SLC35F4: variants seen among roughly 807,000 people sequenced by gnomAD.
SLC35F4 encodes the protein chromosome 14 open reading frame 36.
Under a neutral mutation model 44.2 loss-of-function variants are expected in SLC35F4, and 24 were observed. The observed-to-expected ratio is 0.54, with a 90% CI of 0.39 to 0.76. The LOEUF is 0.76. Ranked by LOEUF, SLC35F4 falls within the 30% of genes least tolerant of loss-of-function variation. SLC35F4 has a pLI of 0.00. For missense variants in SLC35F4, 562 were observed against 586.1 expected (o/e 0.96, Z 0.42); for synonymous variants, 238 against 223.6 (o/e 1.06, Z -0.57).
At chr14:57,770,286 T>G (rs2140675643) in intron 1 of SLC35F4, among the ~76,000 whole-genome samples, 1 of 152,344 alleles carries the variant, frequency 6.6e-6, no homozygotes, top group Middle Eastern at 3.4e-3. Flanking sequence ...TGAGGGTTAC[T>G]AAATGACAGG....
intron 4 of SLC35F4, among the ~76,000 whole-genome samples, chr14:57,580,830 T>A (rs1040660230): frequency 1.3e-5 from 2 of 152,000 alleles, no homozygotes; most frequent in African/African-American, 2.4e-5. Flanking sequence ...GAATGGGGGG[T>A]CATCTCAACA....
chr14:57,978,488 G>A (rs1320273370), intron 1 of SLC35F4, among the ~76,000 whole-genome samples: 1 of 152,258 alleles, frequency 6.6e-6, no homozygotes, highest in East Asian at 1.9e-4. Context: ...AAGAAGTTGG[G>A]CTAATGTAGA....
intron 1 of SLC35F4, among the ~76,000 whole-genome samples, chr14:57,931,375 G>T (rs925971393): frequency 8.5e-5 from 13 of 152,110 alleles, no homozygotes; most frequent in African/African-American, 3.1e-4. Flanking sequence ...TATTTATAGA[G>T]TTAAAAGACA....
At chr14:57,687,852 G>C (rs748836047) in intron 1 of SLC35F4, among the ~76,000 whole-genome samples, 44 of 152,096 alleles carry the variant, frequency 2.9e-4, no homozygotes, top group Non-Finnish European at 5.7e-4. Flanking sequence ...ATATAAACAA[G>C]AGAACTCTAA....
rs554477518 is a variant in SLC35F4, at chr14:57,649,647, C to T, written c.104-55523G>A. 8.5e-5 allele frequency among the ~76,000 whole-genome samples: 13 copies of T among 152,270 alleles called. No individual in the cohort carries two copies. The South Asian group carries it at 2.7e-3, about 32-fold the overall frequency. On this transcript the variant is annotated intron_variant, in intron 1 of 7. Transcript: ENST00000556826. Reference sequence around the variant, plus strand: ...CTCTGAGGGGTCATTATTCTGCCAACCACAGCATGTCACAGACTATGGAAA... The same window carrying T: ...CTCTGAGGGGTCATTATTCTGCCAATCACAGCATGTCACAGACTATGGAAA...
chr14:57,874,082 A>G (rs1956698), intron 1 of SLC35F4, among the ~76,000 whole-genome samples: 23,317 of 152,164 alleles, frequency 0.15, 1,902 homozygotes, highest in East Asian at 0.23. Flanking sequence ...ACTTGCTTCT[A>G]TGCAGTGGAG....
chr14:57,937,909 G>C (rs1349448600), intron 1 of SLC35F4, among the ~76,000 whole-genome samples: 1 of 152,118 alleles, frequency 6.6e-6, no homozygotes, highest in African/African-American at 2.4e-5. Context: ...ATAAGTTATT[G>C]TTTCCCCAAC....
intron 1 of SLC35F4, among the ~76,000 whole-genome samples, chr14:57,687,668 G>C (rs1190319677): frequency 6.6e-6 from 1 of 152,080 alleles, no homozygotes; most frequent in Admixed American, 6.6e-5. Flanking sequence ...CAAAAGGAGA[G>C]ACCCTCCTGC....
chr14:57,621,721 G>A (rs2072190869), intron 1 of SLC35F4, among the ~76,000 whole-genome samples: 1 of 151,898 alleles, frequency 6.6e-6, no homozygotes, highest in Admixed American at 6.6e-5. Context: ...ACCGTAGAAG[G>A]AAACCTAGGC....
intron 1 of SLC35F4, among the ~76,000 whole-genome samples, chr14:57,934,755 C>G (rs988216420): frequency 3.3e-5 from 5 of 152,096 alleles, no homozygotes; most frequent in African/African-American, 1.2e-4. Flanking sequence ...TTTCTCTTAG[C>G]TGATGATATT....
chr14:57,626,336 A>G (rs189702407), intron 1 of SLC35F4, among the ~76,000 whole-genome samples: 13 of 139,904 alleles, frequency 9.3e-5, no homozygotes, highest in African/African-American at 1.3e-4. Flanking sequence ...AAGGAAACAT[A>G]ACAATACTTT....
chr14:57,577,539 G>A (rs1469826180), intron 4 of SLC35F4, among the ~76,000 whole-genome samples: 2 of 151,910 alleles, frequency 1.3e-5, no homozygotes, highest in African/African-American at 4.8e-5. Flanking sequence ...AATAAGAGAG[G>A]GACAAAATCT....
chr14:57,584,344 A>G (rs904460008), intron 3 of SLC35F4, among the ~76,000 whole-genome samples: 1 of 152,218 alleles, frequency 6.6e-6, no homozygotes, highest in African/African-American at 2.4e-5. Context: ...ACCATTCTAG[A>G]GAAAATAGAT....
rs2077154398 is a variant in SLC35F4 at position 57,762,764 on chromosome 14, C to T, written c.103+102959G>A. 2.6e-5 allele frequency among the ~76,000 whole-genome samples: 4 copies of T among 152,040 alleles called. No individual in the cohort carries two copies. In the South Asian group the frequency reaches 8.3e-4, roughly 31 times the overall value. On this transcript the variant is annotated intron_variant, in intron 1 of 7. Coordinates refer to ENST00000556826, the MANE Select transcript of SLC35F4 (RefSeq NM_001306087.2). ...TTGCATGCTTCCTCACTATATGATG[C>T]CTTCTACCATATTATGATGCAGCGA...
intron 1 of SLC35F4, among the ~76,000 whole-genome samples, chr14:57,851,497 C>T (rs1886560383): frequency 6.6e-6 from 1 of 152,114 alleles, no homozygotes; most frequent in Non-Finnish European, 1.5e-5. Flanking sequence ...AAAACAGTCT[C>T]TAAACTAGTA....
intron 1 of SLC35F4, among the ~76,000 whole-genome samples, chr14:57,803,003 A>G (rs1017337682): frequency 1.8e-4 from 27 of 147,428 alleles, no homozygotes; most frequent in South Asian, 1.3e-3. Flanking sequence ...AAAAAAAAAA[A>G]AAAGAAATTG....
At chr14:57,727,994 G>A (rs905112880) in intron 1 of SLC35F4, among the ~76,000 whole-genome samples, 10 of 152,128 alleles carry the variant, frequency 6.6e-5, no homozygotes, top group African/African-American at 2.4e-4. Flanking sequence ...GAAATCTCCA[G>A]ATATTATTGT....
chr14:57,847,955 C>G (rs1370490636), intron 1 of SLC35F4, among the ~76,000 whole-genome samples: 1 of 152,018 alleles, frequency 6.6e-6, no homozygotes, highest in Admixed American at 6.6e-5. Flanking sequence ...GGAAGTTTCA[C>G]TAAAATAACG....
chr14:57,762,242 G>C (rs4901813), intron 1 of SLC35F4, among the ~76,000 whole-genome samples: 1,543 of 152,214 alleles, frequency 0.01, 74 homozygotes, highest in East Asian at 0.1. Context: ...CCTGACTAAA[G>C]AGAATAGGTT....
Sources: gnomAD v4.1 joint callset for allele counts (sites outside exome capture counted in the v4.1 genomes callset) on GRCh38, gnomAD v4.1.1 for gene constraint, MANE v1.5 for transcripts, NCBI Gene and HGNC (gene_info 2026-07-23, HGNC 2026-07-21) for gene names.